The following FRY variants were observed in gnomAD, a reference collection of about 807,000 sequenced individuals.
FRY encodes the protein protein furry homolog.
A neutral mutation model predicts 348.4 loss-of-function variants in FRY; 128 were observed. The ratio of observed to expected loss-of-function variants is 0.37; its 90% CI spans 0.32 to 0.43. The LOEUF (loss-of-function observed/expected upper bound fraction) is 0.43. Among genes scored for constraint, FRY ranks in the 20% least tolerant of loss-of-function variants. FRY has a pLI of 1.00. For missense variants in FRY, 2,736 were observed against 3,695.2 expected (o/e 0.74, Z 6.73); for synonymous variants, 1,370 against 1,374.7 (o/e 1.00, Z 0.08).
intron 17 of FRY, among the ~76,000 whole-genome samples, chr13:32,163,020 G>C (rs1223453735): frequency 6.6e-6 from 1 of 152,226 alleles, no homozygotes; most frequent in Non-Finnish European, 1.5e-5. Context: ...CTGAGGGAAA[G>C]AGAGACTAAG....
intron 1 of FRY, among the ~76,000 whole-genome samples, chr13:32,051,835 A>G (rs1873347625): frequency 6.6e-6 from 1 of 152,228 alleles, no homozygotes; most frequent in African/African-American, 2.4e-5. Context: ...TTCAGAAAGA[A>G]TGAAGATGTC....
intron 23 of FRY, among the ~76,000 whole-genome samples, chr13:32,180,419 G>T (rs1566114819): frequency 6.6e-6 from 1 of 152,066 alleles, no homozygotes; most frequent in Non-Finnish European, 1.5e-5. Flanking sequence ...ATTTATAGTA[G>T]AGACGGGGTT....
At chr13:32,094,556 G>A (rs541207032) in intron 2 of FRY, among the ~76,000 whole-genome samples, 15 of 151,236 alleles carry the variant, frequency 9.9e-5, no homozygotes, top group African/African-American at 3.6e-4. Flanking sequence ...TCTACTCTGT[G>A]TCTATGAGTT....
chr13:32,173,120 G>A (rs1464631335), intron 18 of FRY, among the ~76,000 whole-genome samples: 1 of 152,176 alleles, frequency 6.6e-6, no homozygotes, highest in Non-Finnish European at 1.5e-5. Context: ...CCTTTGAAGA[G>A]TTATTTTTCA....
At chr13:32,282,748 A>G (rs1228077836) in intron 58 of FRY, among the ~76,000 whole-genome samples, 1 of 152,232 alleles carries the variant, frequency 6.6e-6, no homozygotes. Flanking sequence ...TATAACAAAG[A>G]AAGTTTATGC....
intron 2 of FRY, among the ~76,000 whole-genome samples, chr13:32,088,284 T>C (rs193093976): frequency 6.6e-6 from 1 of 152,244 alleles, no homozygotes; most frequent in Non-Finnish European, 1.5e-5. Flanking sequence ...AAAGCAATGC[T>C]GTCCTGAAAA....
intron 15 of FRY, 27 bp downstream of exon 15, chr13:32,155,689 A>C: frequency 1.3e-6 from 2 of 1,517,828 alleles, no homozygotes; most frequent in East Asian, 2.3e-5. Flanking sequence ...CATAAGAACT[A>C]AGCCTTATTA....
chr13:32,145,692 C>T (rs1340004308), intron 11 of FRY, among the ~76,000 whole-genome samples: 4 of 151,050 alleles, frequency 2.6e-5, no homozygotes, highest in Non-Finnish European at 5.9e-5. Context: ...CTACAGGCGC[C>T]CGCCACCGCG....
chr13:32,234,963 T>A (rs1190279256), intron 42 of FRY, among the ~76,000 whole-genome samples: 1 of 152,210 alleles, frequency 6.6e-6, no homozygotes, highest in African/African-American at 2.4e-5. Flanking sequence ...TCAGTGGATA[T>A]TATCTCTTTT....
At chr13:32,294,187 G>A (rs1389651002) in intron 59 of FRY, among the ~76,000 whole-genome samples, 181 bp from the exon 60 acceptor site, 1 of 152,060 alleles carries the variant, frequency 6.6e-6, no homozygotes, top group Non-Finnish European at 1.5e-5. Context: ...CATACTCAAT[G>A]CATCCAACTC....
At chr13:32,096,082 A>G (rs1876684732) in intron 2 of FRY, among the ~76,000 whole-genome samples, 1 of 136,858 alleles carries the variant, frequency 7.3e-6, no homozygotes, top group African/African-American at 2.8e-5. Flanking sequence ...TCTTTCTTAT[A>G]TTCTTTCCCT....
At position 32,209,669 on chromosome 13, in the gene FRY, A is replaced by G. The variant is rs768544649; in HGVS notation, c.4360A>G (p.Ile1454Val). Reference sequence around the variant, plus strand: ...TGAGAAATGGAGCAACAACCTGAGGATCACCTTGCAGTTCCTGATTAGCCT... The same window carrying G: ...TGAGAAATGGAGCAACAACCTGAGGGTCACCTTGCAGTTCCTGATTAGCCT... ...NNEKWSNNLR[I>V]TLQFLISLCG... is the part of the protein sequence containing the mutation. Residue 1454 changes from isoleucine (I) to valine (V), a missense_variant, in exon 33 of 61, where the codon ATC (isoleucine) becomes GTC (valine). Ile to Val is a conservative substitution (Grantham distance 29, BLOSUM62 3). Transcript: ENST00000542859. 13 of 1,614,086 alleles carry G rather than the reference A, an allele frequency of 8.1e-6. No homozygotes were observed. Among genetic ancestry groups the G allele is most frequent in the Non-Finnish European group, 1.1e-5 (13 of 1,179,958 alleles).
At chr13:32,255,642 C>T (rs1887292529) in intron 51 of FRY, among the ~76,000 whole-genome samples, 1 of 152,194 alleles carries the variant, frequency 6.6e-6, no homozygotes, top group Non-Finnish European at 1.5e-5. Flanking sequence ...GCTTAATTTT[C>T]ACCTTGAATT....
chr13:32,225,359 A>G (rs929990117), intron 38 of FRY, among the ~76,000 whole-genome samples: 1 of 152,250 alleles, frequency 6.6e-6, no homozygotes, highest in Admixed American at 6.5e-5. Flanking sequence ...TAGTCAGCGT[A>G]TAAAAAGAAA....
At chr13:32,044,915 A>G (rs775390416) in intron 1 of FRY, among the ~76,000 whole-genome samples, 8 of 152,218 alleles carry the variant, frequency 5.3e-5, no homozygotes, top group African/African-American at 1.9e-4. Flanking sequence ...AAGAGTGTCA[A>G]GTGAAAAAGA....
intron 4 of FRY, among the ~76,000 whole-genome samples, chr13:32,122,472 G>T (rs1394517359): frequency 6.6e-6 from 1 of 150,590 alleles, no homozygotes; most frequent in African/African-American, 2.4e-5. Context: ...AAAAGCATTA[G>T]ACAAAATCCG....
chr13:32,228,620 A>G lies in FRY; in HGVS notation c.5371A>G (p.Lys1791Glu). Residue 1791 changes from lysine (K) to glutamate (E), a missense_variant, in exon 40 of 61, where the codon AAG (lysine) becomes GAG (glutamate). Lys to Glu is a moderately conservative substitution (Grantham distance 56, BLOSUM62 1). This residue lies in a region of FRY where 794 missense variants were observed against 977.0 expected (regional missense o/e 0.81). Transcript: ENST00000542859. Reference sequence around the variant, plus strand: ...GGACACAGCTGCTGAAACAGATGAGAAGGCAAACAAGCTCATTGAGTTTCT... The same window carrying G: ...GGACACAGCTGCTGAAACAGATGAGGAGGCAAACAAGCTCATTGAGTTTCT... ...DVDTAAETDE[K>E]ANKLIEFLTT... 6.2e-7 allele frequency: 1 copy of G among 1,614,142 alleles called. No individual in the cohort carries two copies. The highest frequency in any genetic ancestry group is 8.5e-7 in the Non-Finnish European group (1 of 1,179,980).
chr13:32,032,017 C>CT (rs1297998060), intron 1 of FRY, 152 bp downstream of exon 1: 4 of 609,710 alleles, frequency 6.6e-6, no homozygotes, highest in African/African-American at 5.9e-5. Flanking sequence ...TTCTTTCTTT[C>CT]TTTCTTTTTC....
At position 32,178,337 on chromosome 13, in the gene FRY, G is replaced by A. The variant is rs761217786; in HGVS notation, c.2582G>A (p.Arg861Gln). The A allele has an allele frequency of 7.4e-6, 12 of 1,613,980 alleles. No individual in the cohort carries two copies. Among genetic ancestry groups the A allele is most frequent in the East Asian group, 6.7e-5 (3 of 44,890 alleles). Residue 861 changes from arginine (R) to glutamine (Q), a missense_variant, in exon 21 of 61, where the codon CGG (arginine) becomes CAG (glutamine). Arg to Gln is a conservative substitution (Grantham distance 43). This residue lies in a region of FRY where 449 missense variants were observed against 576.9 expected (regional missense o/e 0.78). Transcript: ENST00000542859. Reference sequence around the variant, plus strand: ...GTCCTCTGCCTCTTCAGCTTCCTCCGGCAGGAGAACTTACCCAAGCACTGC... The same window carrying A: ...GTCCTCTGCCTCTTCAGCTTCCTCCAGCAGGAGAACTTACCCAAGCACTGC... ...PWVLCLFSFL[R>Q]QENLPKHCPT...
Sources: allele counts gnomAD v4.1 joint callset (sites outside exome capture counted in the v4.1 genomes callset), GRCh38; gene constraint gnomAD v4.1.1; regional missense constraint gnomAD v4.1.1; transcripts MANE v1.5; gene names NCBI Gene and HGNC (gene_info 2026-07-23, HGNC 2026-07-21).